Variants in TMEM220 observed in about 807,000 individuals in gnomAD.
TMEM220 encodes transmembrane protein 220.
A neutral mutation model predicts 21.7 loss-of-function variants in TMEM220; 21 were observed. That is an observed-to-expected ratio of 0.97 (90% CI 0.69 to 1.39). The LOEUF is 1.39. Among genes scored for constraint, TMEM220 ranks in the 40% most tolerant of loss-of-function variants. The pLI, the probability that TMEM220 is intolerant of heterozygous loss-of-function variation, is 0.00. For missense variants in TMEM220, 191 were observed against 201.9 expected (o/e 0.95, Z 0.33); for synonymous variants, 80 against 73.6 (o/e 1.09, Z -0.45).
rs754789854 is a variant in TMEM220 at position 10,723,344 on chromosome 17, A to C, written c.288-15T>G. 7 of 1,613,208 alleles carry C rather than the reference A, an allele frequency of 4.3e-6. No homozygotes were observed. The South Asian group carries it at 6.6e-5, about 15-fold the overall frequency. On this transcript the variant is annotated splice_polypyrimidine_tract_variant and intron_variant, in intron 4 of 5. Coordinates refer to ENST00000341871, the MANE Select transcript of TMEM220 (RefSeq NM_001004313.3). ...CAGACAGCTCCCTATAAAAGGGTGT[A>C]CATTTCAGATTTTGGAAGTGGCTAC...
At position 10,729,834 on chromosome 17, in the gene TMEM220, C is replaced by T. The variant is rs1187354909; in HGVS notation, c.18G>A (p.Trp6Ter). 1 of 1,398,288 alleles carries T rather than the reference C, an allele frequency of 7.2e-7. No individual in the cohort carries two copies. The highest frequency in any genetic ancestry group is 9.4e-7 in the Non-Finnish European group (1 of 1,068,058). The allele number at this position is 1,398,288 out of a possible 1,614,324, so 86.6% of individuals were successfully genotyped here. MAPAL[W>*]RACNGLMAAF... Reference sequence around the variant, plus strand: ...CGGCCATGAGTCCGTTGCAGGCCCGCCACAGCGCTGGCGCCATGGCTCGGA... The same window carrying T: ...CGGCCATGAGTCCGTTGCAGGCCCGTCACAGCGCTGGCGCCATGGCTCGGA... The change falls in exon 1 of 6, where the codon TGG becomes TGA. Residue 6 changes from tryptophan (W) to a stop codon, truncating the protein, a stop_gained. Transcript: ENST00000341871. LOFTEE classifies it high-confidence loss of function.
downstream of TMEM220, among the ~76,000 whole-genome samples, chr17:10,712,641 T>G (rs1437839104): frequency 6.6e-6 from 1 of 152,058 alleles, no homozygotes; most frequent in East Asian, 1.9e-4. Context: ...ACATGCAAAA[T>G]GAAGAAAAAT....
chr17:10,722,690 C>CA (rs1161278796), intron 5 of TMEM220, among the ~76,000 whole-genome samples: 1 of 152,180 alleles, frequency 6.6e-6, no homozygotes, highest in African/African-American at 2.4e-5. Flanking sequence ...GATATGTACA[C>CA]ACGCACTTAT....
intron 5 of TMEM220, among the ~76,000 whole-genome samples, chr17:10,718,585 C>T (rs1205574478): frequency 6.6e-6 from 1 of 151,904 alleles, no homozygotes; most frequent in African/African-American, 2.4e-5. Flanking sequence ...TATATGTTTC[C>T]CTCTAAGCAT....
intron 1 of TMEM220, among the ~76,000 whole-genome samples, chr17:10,729,518 T>C (rs399236): frequency 0.49 from 75,224 of 152,060 alleles, 19,332 homozygotes; most frequent in African/African-American, 0.64. Context: ...CCGCTTCTTC[T>C]GAGGTCCCCT....
chr17:10,723,433 C>T lies in TMEM220; in HGVS notation c.288-104G>A, dbSNP rs897093630. On this transcript the variant is annotated intron_variant, in intron 4 of 5. Transcript: ENST00000341871. Reference sequence around the variant, plus strand: ...CTGATAGCGCATTCTGATTGAGTGACTGACTCTCCCTCAAGATCTATGGCA... The same window carrying T: ...CTGATAGCGCATTCTGATTGAGTGATTGACTCTCCCTCAAGATCTATGGCA... The T allele has an allele frequency of 4.9e-6, 4 of 808,896 alleles. No individual in the cohort carries two copies. In the Admixed American group the frequency reaches 6.9e-5, roughly 14 times the overall value. 50.1% of individuals were successfully genotyped at this position (808,896 alleles called of 1,614,324 possible).
chr17:10,729,975 T>A lies in TMEM220; in HGVS notation c.-124A>T. On this transcript the variant is annotated 5_prime_UTR_variant, in exon 1 of 6. It adds an upstream start codon to the 5' untranslated region. Transcript: ENST00000341871. ...AGACCCCCGCCTCGGTTTCGGTGCC[T>A]TGGGGACACTGCCGTGGCCGTCGCT... 2 of 1,221,138 alleles carry A rather than the reference T, an allele frequency of 1.6e-6. No homozygotes were observed. The highest frequency in any genetic ancestry group is 2.0e-6 in the Non-Finnish European group (2 of 983,376). 75.6% of individuals were successfully genotyped at this position (1,221,138 alleles called of 1,614,324 possible).
intron 5 of TMEM220, 142 bp from the exon 6 acceptor site, chr17:10,715,730 T>C: frequency 1.8e-6 from 1 of 564,558 alleles, no homozygotes; most frequent in Admixed American, 3.8e-5. Context: ...CATTGATTTA[T>C]AGAAATTATT....
chr17:10,712,634 T>C (rs980566917), downstream of TMEM220, among the ~76,000 whole-genome samples: 2 of 152,144 alleles, frequency 1.3e-5, no homozygotes, highest in Admixed American at 6.5e-5. Context: ...GGGGATGACA[T>C]GCAAAATGAA....
intron 1 of TMEM220, 123 bp downstream of exon 1, chr17:10,729,657 T>C: frequency 1.2e-6 from 1 of 822,068 alleles, no homozygotes; most frequent in Non-Finnish European, 1.7e-6. Flanking sequence ...AAAGCCCAAG[T>C]CCCGTCCTCC....
chr17:10,718,578 AT>A (rs2151472853), intron 5 of TMEM220, among the ~76,000 whole-genome samples: 1 of 152,160 alleles, frequency 6.6e-6, no homozygotes, highest in South Asian at 2.1e-4. Flanking sequence ...TTATGTCTAT[AT>A]GTTTCCCTCT....
chr17:10,725,179 C>CA, intron 3 of TMEM220, 45 bp from the exon 4 acceptor site: 1 of 1,591,074 alleles, frequency 6.3e-7, no homozygotes, highest in Admixed American at 1.8e-5. Flanking sequence ...AATCACAGCC[C>CA]ACAGAAAAAA....
chr17:10,724,420 A>C lies in TMEM220; in HGVS notation c.287+591T>G, dbSNP rs113233525. ...CGTGATAAAACTCTGTATCTACTAA[A>C]AATACAAAAATTAGCTGGCCGTGGT... On this transcript the variant is annotated intron_variant, in intron 4 of 5. Coordinates refer to ENST00000341871, the MANE Select transcript of TMEM220 (RefSeq NM_001004313.3). The C allele has an allele frequency of 1.1e-3, 161 of 152,964 alleles. 2 individuals carry two copies. The highest frequency in any genetic ancestry group is 1.1e-3 in the Non-Finnish European group (77 of 68,508). 9.5% of individuals were successfully genotyped at this position (152,964 alleles called of 1,614,324 possible). A position where few individuals can be genotyped will look rare whatever the true frequency, so the allele number is the denominator to read the frequency against.
chr17:10,729,617 C>A (rs1349564924), intron 1 of TMEM220, among the ~76,000 whole-genome samples, 163 bp downstream of exon 1: 2 of 152,152 alleles, frequency 1.3e-5, no homozygotes, highest in Non-Finnish European at 2.9e-5. Flanking sequence ...GTCTCTTAGA[C>A]GGGGGAGAAA....
At chr17:10,716,490 C>T (rs1174039049) in intron 5 of TMEM220, 1 of 664,416 alleles carries the variant, frequency 1.5e-6, no homozygotes, top group South Asian at 1.4e-5. Flanking sequence ...CACGTAGTAG[C>T]GCAGATAAAA....
At chr17:10,712,990 G>A, downstream of TMEM220, among the ~76,000 whole-genome samples, 1 of 152,180 alleles carries the variant, frequency 6.6e-6, no homozygotes, top group East Asian at 1.9e-4. Flanking sequence ...AATAATAGAG[G>A]CTGGGTATGG....
At chr17:10,715,725 A>G (rs2074908899) in intron 5 of TMEM220, 137 bp from the exon 6 acceptor site, 13 of 554,328 alleles carry the variant, frequency 2.3e-5, no homozygotes, top group Non-Finnish European at 3.5e-5. Flanking sequence ...TATAACATTG[A>G]TTTATAGAAA....
downstream of TMEM220, among the ~76,000 whole-genome samples, chr17:10,711,687 C>T (rs2074854973): frequency 6.6e-6 from 1 of 152,182 alleles, no homozygotes; most frequent in African/African-American, 2.4e-5. Flanking sequence ...GTCATGTAGT[C>T]CTCTTGGGAT....
intron 3 of TMEM220, among the ~76,000 whole-genome samples, chr17:10,725,579 G>A (rs371381358): frequency 3.9e-5 from 6 of 152,206 alleles, no homozygotes; most frequent in African/African-American, 1.4e-4. Context: ...ACGTGGCATC[G>A]TGAAGATGTG....
Sources: allele counts gnomAD v4.1 joint callset (sites outside exome capture counted in the v4.1 genomes callset), GRCh38; gene constraint gnomAD v4.1.1; transcripts MANE v1.5; gene names NCBI Gene and HGNC (gene_info 2026-07-23, HGNC 2026-07-21).